FHAD1: variants seen among roughly 807,000 people sequenced by gnomAD.
FHAD1 encodes the protein forkhead-associated domain-containing protein 1.
FHAD1 carries 146 observed loss-of-function variants against 191.3 expected under a neutral mutation model. The ratio of observed to expected loss-of-function variants is 0.76; its 90% CI spans 0.67 to 0.88. The LOEUF (loss-of-function observed/expected upper bound fraction) is 0.88. FHAD1 is among the 40% of genes least tolerant of loss of function. The probability of loss-of-function intolerance (pLI) is 0.00; values close to 1 mark genes in which losing one functional copy is unlikely to be tolerated. For missense variants in FHAD1, 1,635 were observed against 1,785.8 expected (o/e 0.92, Z 1.52); for synonymous variants, 616 against 672.3 (o/e 0.92, Z 1.29).
upstream of FHAD1, among the ~76,000 whole-genome samples, chr1:15,244,692 C>T (rs755759142): frequency 1.3e-5 from 2 of 152,040 alleles, no homozygotes; most frequent in East Asian, 1.9e-4. This position sits in a 1 kb window ranked among gnomAD's most constrained non-coding sequence, Gnocchi z 5.1. Flanking sequence ...GGACTGGTGG[C>T]ACAGCAGCAA....
At chr1:15,328,525 C>T (rs1679826755) in intron 13 of FHAD1, 96 bp downstream of exon 13, 4 of 1,072,838 alleles carry the variant, frequency 3.7e-6, no homozygotes, top group South Asian at 5.9e-5. Flanking sequence ...GCAAGTTGGG[C>T]AGAAATGCTT....
At chr1:15,383,018 G>C in intron 31 of FHAD1, 2 of 456,846 alleles carry the variant, frequency 4.4e-6, no homozygotes, top group Non-Finnish European at 9.2e-6. Context: ...ACACACACGC[G>C]CACGCGCACA....
At chr1:15,371,824 CGCAGGCAGGGTGGGCT>C (rs1698196926) in intron 26 of FHAD1, among the ~76,000 whole-genome samples, 1 of 152,232 alleles carries the variant, frequency 6.6e-6, no homozygotes, top group South Asian at 2.1e-4. Context: ...CCGTACTAAG[CGCAGGCAGGGTGGGCT>C]GCCTCCCTCT....
intron 4 of FHAD1, among the ~76,000 whole-genome samples, chr1:15,293,625 G>C (rs748170178): frequency 6.6e-6 from 1 of 152,208 alleles, no homozygotes; most frequent in Non-Finnish European, 1.5e-5. Context: ...GGCTGAGGCA[G>C]GAGAATCGCT....
chr1:15,311,111 G>A lies in FHAD1; in HGVS notation c.1040-1946G>A, dbSNP rs895357921. Among the ~76,000 whole-genome samples the A allele has an allele frequency of 1.3e-5, 2 of 152,196 alleles. No homozygotes were observed. The highest frequency in any genetic ancestry group is 2.4e-5 in the African/African-American group (1 of 41,450). ...CTACGATTGCCCCCGGCTGGCTTGCGCTGGAGAGAGTTTCCAGACCACAGC... is the reference window on the plus strand; with the variant it reads ...CTACGATTGCCCCCGGCTGGCTTGCACTGGAGAGAGTTTCCAGACCACAGC... On this transcript the variant is annotated intron_variant, in intron 7 of 33. Coordinates refer to ENST00000688493, the MANE Select transcript of FHAD1 (RefSeq NM_001391957.1). The surrounding 1 kb of genome is among the most constrained non-coding windows in gnomAD (Gnocchi z 4.1).
chr1:15,330,769 G>T (rs961510329), intron 14 of FHAD1, among the ~76,000 whole-genome samples: 1 of 152,210 alleles, frequency 6.6e-6, no homozygotes, highest in Non-Finnish European at 1.5e-5. Context: ...GGCCATGCAT[G>T]TGGGGTCTCG....
chr1:15,374,839 C>A (rs1250081704), intron 27 of FHAD1, among the ~76,000 whole-genome samples: 1 of 148,624 alleles, frequency 6.7e-6, no homozygotes, highest in South Asian at 2.1e-4. Flanking sequence ...GCATAACTCA[C>A]TATTGTACGT....
chr1:15,270,763 C>G (rs578150978), intron 2 of FHAD1, among the ~76,000 whole-genome samples: 1 of 151,972 alleles, frequency 6.6e-6, no homozygotes, highest in African/African-American at 2.4e-5. Flanking sequence ...AGACTTTGGC[C>G]GGGCACGGTG....
intron 16 of FHAD1, among the ~76,000 whole-genome samples, chr1:15,342,988 GTCTC>G (rs1018073875): frequency 2.6e-5 from 4 of 151,498 alleles, no homozygotes; most frequent in African/African-American, 7.3e-5. Context: ...TAGAAATGAG[GTCTC>G]TCTCTATGTT....
At chr1:15,243,782 G>A (rs1023788593), upstream of FHAD1, among the ~76,000 whole-genome samples, 5 of 152,234 alleles carry the variant, frequency 3.3e-5, no homozygotes, top group African/African-American at 1.2e-4. Flanking sequence ...AAGAGTGCAG[G>A]CTGCTCAGAA....
intron 6 of FHAD1, among the ~76,000 whole-genome samples, chr1:15,304,756 C>A (rs981208105): frequency 3.9e-5 from 6 of 152,146 alleles, no homozygotes; most frequent in African/African-American, 1.4e-4. Context: ...CTAGTGAGCA[C>A]CCCTTCTCCA....
At position 15,252,093 on chromosome 1, in the gene FHAD1, C is replaced by T. The variant is rs554686766; in HGVS notation, c.93+216C>T. On this transcript the variant is annotated intron_variant, in intron 2 of 33. Coordinates refer to ENST00000688493, the MANE Select transcript of FHAD1 (RefSeq NM_001391957.1). The stretch of plus-strand genomic sequence containing the variant: ...GCTGAGTGCTGTACAGAGCATGATG[C>T]GCTCCCATCCTTTGCTGAACGCATC... Among the ~76,000 whole-genome samples, 52 of 152,296 alleles carry T rather than the reference C, an allele frequency of 3.4e-4. 1 individual carries two copies. The highest frequency in any genetic ancestry group is 1.1e-3 in the African/African-American group (45 of 41,542).
intron 6 of FHAD1, among the ~76,000 whole-genome samples, chr1:15,304,221 T>C (rs1669733162): frequency 6.6e-6 from 1 of 152,264 alleles, no homozygotes; most frequent in South Asian, 2.1e-4. Flanking sequence ...CTGTGCTAAT[T>C]AGAAGCTGAA....
chr1:15,346,776 G>A (rs1225199194), intron 18 of FHAD1, among the ~76,000 whole-genome samples: 1 of 152,220 alleles, frequency 6.6e-6, no homozygotes, highest in African/African-American at 2.4e-5. Flanking sequence ...AGCCAGATGA[G>A]ACACAAGTTC....
chr1:15,323,195 G>T (rs535963370), intron 10 of FHAD1, among the ~76,000 whole-genome samples: 11 of 152,158 alleles, frequency 7.2e-5, no homozygotes, highest in Non-Finnish European at 1.6e-4. Flanking sequence ...ACCATGCACA[G>T]AGGAGGAGCT....
chr1:15,250,680 T>G (rs1175071046), intron 1 of FHAD1, among the ~76,000 whole-genome samples: 1 of 152,182 alleles, frequency 6.6e-6, no homozygotes, highest in Non-Finnish European at 1.5e-5. Flanking sequence ...TGATAACTCT[T>G]TAAGAAACTC....
chr1:15,248,051 C>CT (rs34718796), intron 1 of FHAD1, among the ~76,000 whole-genome samples: 17,893 of 143,234 alleles, frequency 0.12, 2,384 homozygotes, highest in African/African-American at 0.33. Flanking sequence ...AAGAAATAGA[C>CT]TTTTTTTTTT....
intron 18 of FHAD1, among the ~76,000 whole-genome samples, chr1:15,346,571 A>G (rs1443583830): frequency 6.6e-6 from 1 of 152,212 alleles, no homozygotes; most frequent in African/African-American, 2.4e-5. Flanking sequence ...ACGGTAGCCT[A>G]GGGGAGGACT....
At chr1:15,280,055 C>T (rs1216575920) in intron 3 of FHAD1, among the ~76,000 whole-genome samples, 7 of 152,098 alleles carry the variant, frequency 4.6e-5, no homozygotes, top group African/African-American at 1.7e-4. Flanking sequence ...TTGTTTTTCT[C>T]CTCGGTGTAT....
Sources: gnomAD v4.1 joint callset for allele counts (sites outside exome capture counted in the v4.1 genomes callset) on GRCh38, gnomAD v4.1.1 for gene constraint, Gnocchi (gnomAD v3.1) non-coding constraint, MANE v1.5 for transcripts, NCBI Gene and HGNC (gene_info 2026-07-23, HGNC 2026-07-21) for gene names.